FRMD3: variants seen among roughly 807,000 people sequenced by gnomAD.
The protein encoded by FRMD3 is FERM domain-containing protein 3.
FRMD3 carries 33 observed loss-of-function variants against 70.2 expected under a neutral mutation model. The observed-to-expected ratio is 0.47, with a 90% confidence interval of 0.36 to 0.63. The LOEUF is 0.63. Ranked by LOEUF, FRMD3 falls within the 20% of genes least tolerant of loss-of-function variation. The probability of loss-of-function intolerance (pLI) is 0.00; values close to 1 mark genes in which losing one functional copy is unlikely to be tolerated. For missense variants in FRMD3, 632 were observed against 711.4 expected (o/e 0.89, Z 1.27); for synonymous variants, 279 against 255.9 (o/e 1.09, Z -0.86).
At chr9:83,533,581 A>G (rs1829831931) in intron 1 of FRMD3, among the ~76,000 whole-genome samples, 1 of 152,224 alleles carries the variant, frequency 6.6e-6, no homozygotes, top group Non-Finnish European at 1.5e-5. Flanking sequence ...TGCTACCTTC[A>G]TGTTGACAGG....
At chr9:83,490,484 T>C (rs1828791755) in intron 1 of FRMD3, among the ~76,000 whole-genome samples, 1 of 152,032 alleles carries the variant, frequency 6.6e-6, no homozygotes, top group Non-Finnish European at 1.5e-5. Context: ...GAGACAGGAT[T>C]TCGCCAAGGA....
chr9:83,357,242 CATACATAT>C (rs1412444701), intron 3 of FRMD3, among the ~76,000 whole-genome samples: 1,188 of 13,214 alleles, frequency 0.09, 177 homozygotes, highest in South Asian at 0.16. Flanking sequence ...ATATATAATA[CATACATAT>C]ATATATATAT....
At chr9:83,509,779 A>G (rs1587498446) in intron 1 of FRMD3, among the ~76,000 whole-genome samples, 1 of 148,844 alleles carries the variant, frequency 6.7e-6, no homozygotes. Context: ...AAATACGCAC[A>G]CGCGCGCGCA....
At chr9:83,310,661 G>A (rs1428713927) in intron 8 of FRMD3, 113 bp from the exon 9 acceptor site, 2 of 744,286 alleles carry the variant, frequency 2.7e-6, no homozygotes, top group African/African-American at 1.8e-5. Flanking sequence ...AGTGAAACAA[G>A]GTATTATCAT....
rs968518929 is a variant in FRMD3 at position 83,283,241 on chromosome 9, T to C, written c.1195+7362A>G. ...TGTGATGCTGTCTTCAAGAATCCAA[T>C]AGGTGTTGGCCGGGCGCGGTGGTTC... is the stretch of plus-strand genomic sequence containing the variant. On this transcript the variant is annotated intron_variant, in intron 13 of 13. Coordinates refer to ENST00000304195, the MANE Select transcript of FRMD3 (RefSeq NM_174938.6). Among the ~76,000 whole-genome samples, 4 of 151,908 alleles carry C rather than the reference T, an allele frequency of 2.6e-5. No individual in the cohort carries two copies. In the East Asian group the frequency reaches 5.8e-4, roughly 22 times the overall value.
the FRMD3 span, among the ~76,000 whole-genome samples, chr9:83,579,258 T>G: frequency 6.6e-6 from 1 of 151,624 alleles, no homozygotes; most frequent in Admixed American, 6.6e-5. Context: ...ATAGATTCAA[T>G]GTAATCTCTA....
At chr9:83,528,394 T>C (rs1302934100) in intron 1 of FRMD3, among the ~76,000 whole-genome samples, 5 of 152,200 alleles carry the variant, frequency 3.3e-5, no homozygotes, top group African/African-American at 4.8e-5. Context: ...TTTTATTTAA[T>C]TGACATCACT....
chr9:83,479,901 C>T (rs545102173), intron 1 of FRMD3, among the ~76,000 whole-genome samples: 1 of 151,796 alleles, frequency 6.6e-6, no homozygotes, highest in African/African-American at 2.4e-5. Context: ...TGAGATATCA[C>T]TTTAAATGAT....
the FRMD3 span, among the ~76,000 whole-genome samples, chr9:83,551,229 A>G: frequency 6.6e-6 from 1 of 152,174 alleles, no homozygotes; most frequent in Non-Finnish European, 1.5e-5. Flanking sequence ...ATCTATTAAG[A>G]TAATCATATG....
intron 3 of FRMD3, among the ~76,000 whole-genome samples, chr9:83,362,978 CCTTCCTTCCTTT>C (rs1432404908): frequency 6.7e-6 from 1 of 150,296 alleles, no homozygotes; most frequent in African/African-American, 2.5e-5. Flanking sequence ...TTTCCTCCCT[CCTTCCTTCCTTT>C]CTTCCTTCCT....
chr9:83,245,660 A>ATAT lies in FRMD3; in HGVS notation c.*2255_*2257dup, dbSNP rs1176331841. The ATAT allele has an allele frequency of 6.9e-6, 6 of 867,894 alleles. No individual in the cohort carries two copies. The African/African-American group carries it at 1.1e-4, about 16-fold the overall frequency. 53.8% of individuals were successfully genotyped at this position (867,894 alleles called of 1,614,324 possible). ...ATATATTAGTTCCATAATTTAAAAA[A>ATAT]TATTATATAATATTATTTTGAAAGA... On this transcript the variant is annotated 3_prime_UTR_variant, in exon 14 of 14. Coordinates refer to ENST00000304195, the MANE Select transcript of FRMD3 (RefSeq NM_174938.6).
At chr9:83,350,361 C>T (rs1250185336) in intron 3 of FRMD3, among the ~76,000 whole-genome samples, 2 of 151,928 alleles carry the variant, frequency 1.3e-5, no homozygotes, top group African/African-American at 2.4e-5. Context: ...TGGTGTCTCA[C>T]GCCTGTAATC....
At chr9:83,533,375 C>T (rs375832018) in intron 1 of FRMD3, among the ~76,000 whole-genome samples, 65 of 152,258 alleles carry the variant, frequency 4.3e-4, no homozygotes, top group African/African-American at 1.4e-3. Flanking sequence ...AACAGAAATG[C>T]TTCATTCACA....
At chr9:83,353,205 A>G (rs1824220909) in intron 3 of FRMD3, among the ~76,000 whole-genome samples, 1 of 139,526 alleles carries the variant, frequency 7.2e-6, no homozygotes, top group African/African-American at 2.6e-5. Context: ...ACAGTGATCC[A>G]GGAGTAGTGC....
At chr9:83,250,442 G>A (rs1832350940) in intron 13 of FRMD3, among the ~76,000 whole-genome samples, 2 of 152,164 alleles carry the variant, frequency 1.3e-5, no homozygotes, top group South Asian at 4.1e-4. Context: ...TGGCAAGGCA[G>A]GAAATCTATC....
At chr9:83,516,289 A>T (rs1829453457) in intron 1 of FRMD3, among the ~76,000 whole-genome samples, 1 of 151,680 alleles carries the variant, frequency 6.6e-6, no homozygotes, top group Non-Finnish European at 1.5e-5. Flanking sequence ...CCAAGCAAAT[A>T]GAAAGAAAAA....
chr9:83,281,969 GATCA>G (rs1384965839), intron 13 of FRMD3, among the ~76,000 whole-genome samples: 1 of 152,168 alleles, frequency 6.6e-6, no homozygotes, highest in African/African-American at 2.4e-5. Context: ...TGTCTCTTTT[GATCA>G]TTCATTTGCT....
chr9:83,442,474 T>G (rs1827329878), intron 1 of FRMD3, among the ~76,000 whole-genome samples: 1 of 152,074 alleles, frequency 6.6e-6, no homozygotes, highest in South Asian at 2.1e-4. Flanking sequence ...GCCAGGCTGG[T>G]CTCCAACTCC....
rs1181146228 is a variant in FRMD3 at position 83,309,618 on chromosome 9, C to T, written c.844G>A (p.Ala282Thr). The T allele has an allele frequency of 6.4e-7, 1 of 1,571,646 alleles. No individual in the cohort carries two copies. The highest frequency in any genetic ancestry group is 1.8e-5 in the Admixed American group (1 of 55,272). The change falls in exon 10 of 14, where the codon GCC (alanine) becomes ACC (threonine). Residue 282 changes from alanine to threonine, a missense_variant. Physicochemically the swap from Ala to Thr is moderately conservative, Grantham distance 58 (BLOSUM62 0). Transcript: ENST00000304195. ...YVIGTQKEKK[A>T]MLAFHTSTPA... ...GTTGAAGTATGGAATGCCAACATGG[C>T]TTTTTTCTAATTAAAAAATAACAAA...
Sources: allele counts gnomAD v4.1 joint callset (sites outside exome capture counted in the v4.1 genomes callset), GRCh38; gene constraint gnomAD v4.1.1; transcripts MANE v1.5; gene names NCBI Gene and HGNC (gene_info 2026-07-23, HGNC 2026-07-21).